MBP: variants seen among roughly 807,000 people sequenced by gnomAD.
The protein encoded by MBP is myelin basic protein.
A neutral mutation model predicts 35.8 loss-of-function variants in MBP; 16 were observed. The ratio of observed to expected loss-of-function variants is 0.45; its 90% confidence interval spans 0.30 to 0.68. The LOEUF (loss-of-function observed/expected upper bound fraction) is 0.68. Ranked by LOEUF, MBP falls within the 30% of genes least tolerant of loss-of-function variation. MBP has a pLI of 0.08. For synonymous variants in MBP, 143 were observed against 159.6 expected, an observed-to-expected ratio of 0.90 and a Z score of 0.78; for missense variants, 380 against 404.7, an observed-to-expected ratio of 0.94 and a Z score of 0.52.
chr18:77,000,708 GT>G (rs897871439), intron 4 of MBP, among the ~76,000 whole-genome samples: 1 of 151,956 alleles, frequency 6.6e-6, no homozygotes, highest in Non-Finnish European at 1.5e-5. Flanking sequence ...GGTTGTTGTT[GT>G]TTTTTTTGTT....
chr18:77,019,817 C>T (rs2123494547), intron 3 of MBP, among the ~76,000 whole-genome samples: 1 of 152,220 alleles, frequency 6.6e-6, no homozygotes, highest in East Asian at 1.9e-4. Context: ...AGGCAGCCCC[C>T]ACTGGAAGCC....
At chr18:77,115,538 T>C (rs1466297393) in intron 1 of MBP, 1 of 152,222 alleles carries the variant, frequency 6.6e-6, no homozygotes, top group Non-Finnish European at 1.5e-5. Flanking sequence ...CAGATTCTAA[T>C]CAAGGAGAAG....
At chr18:77,123,036 A>G (rs772043992) in intron 1 of MBP, among the ~76,000 whole-genome samples, 1 of 152,236 alleles carries the variant, frequency 6.6e-6, no homozygotes, top group East Asian at 1.9e-4. Context: ...AACTATAAGC[A>G]CTTCAAGGGC....
chr18:77,105,574 C>T (rs1280836103), intron 1 of MBP, among the ~76,000 whole-genome samples: 1 of 152,106 alleles, frequency 6.6e-6, no homozygotes, highest in Non-Finnish European at 1.5e-5. Context: ...TGTATATGTA[C>T]AGAAATATCT....
At chr18:77,089,303 C>A (rs530898047) in intron 2 of MBP, among the ~76,000 whole-genome samples, 1 of 152,350 alleles carries the variant, frequency 6.6e-6, no homozygotes, top group East Asian at 1.9e-4. Context: ...GTCAAGTGTG[C>A]GGCCATTTCC....
chr18:77,060,210 A>C (rs1973910690), intron 3 of MBP, among the ~76,000 whole-genome samples: 1 of 152,194 alleles, frequency 6.6e-6, no homozygotes, highest in African/African-American at 2.4e-5. Flanking sequence ...AGTATATGGC[A>C]CGGCACATTG....
intron 2 of MBP, among the ~76,000 whole-genome samples, chr18:77,067,042 A>G (rs780256776): frequency 3.3e-4 from 51 of 152,368 alleles, no homozygotes; most frequent in Admixed American, 9.8e-4. Flanking sequence ...TTTTCAGTAC[A>G]TAGTTTGATC....
At chr18:77,029,171 G>A (rs1385963067) in intron 3 of MBP, among the ~76,000 whole-genome samples, 1 of 123,828 alleles carries the variant, frequency 8.1e-6, no homozygotes, top group African/African-American at 2.6e-5. Flanking sequence ...CACCTCGGGA[G>A]GCCGAGGCTG....
At chr18:77,033,027 G>T (rs1357640641) in intron 3 of MBP, among the ~76,000 whole-genome samples, 1 of 152,110 alleles carries the variant, frequency 6.6e-6, no homozygotes, top group East Asian at 1.9e-4. Flanking sequence ...GAGTGCGGAG[G>T]CATGATCTCA....
chr18:77,092,386 A>T (rs961996205), intron 2 of MBP, among the ~76,000 whole-genome samples: 1 of 152,116 alleles, frequency 6.6e-6, no homozygotes, highest in African/African-American at 2.4e-5. Context: ...GAGCGTCGTC[A>T]TGGCCACACA....
At chr18:77,028,076 A>G (rs1286650895) in intron 3 of MBP, among the ~76,000 whole-genome samples, 1 of 147,866 alleles carries the variant, frequency 6.8e-6, no homozygotes, top group Non-Finnish European at 1.5e-5. Flanking sequence ...TAGTGGAGGG[A>G]AGGTCAGCAG....
chr18:76,997,768 C>T (rs1416356360), intron 4 of MBP, among the ~76,000 whole-genome samples: 13 of 151,026 alleles, frequency 8.6e-5, no homozygotes, highest in African/African-American at 1.2e-4. Context: ...CTGCAAGCTC[C>T]GCCTCCCGGG....
At chr18:77,081,640 A>G (rs1974902253) in intron 2 of MBP, among the ~76,000 whole-genome samples, 1 of 151,914 alleles carries the variant, frequency 6.6e-6, no homozygotes, top group Non-Finnish European at 1.5e-5. Context: ...TTCCTCAAAA[A>G]CTGAAACATA....
In MBP at chr18:76,980,265, T is replaced by C. The variant is rs560029031; in HGVS notation, c.*162A>G. Reference sequence around the variant, plus strand: ...TCTCATTTAACTGTTGGCCGGAAATTGCCGGTAGGCTGCCGTGGCCTGACC... The same window carrying C: ...TCTCATTTAACTGTTGGCCGGAAATCGCCGGTAGGCTGCCGTGGCCTGACC... On this transcript the variant is annotated 3_prime_UTR_variant, in exon 9 of 9. Coordinates refer to ENST00000355994, the MANE Select transcript of MBP (RefSeq NM_001025101.2). 2.0e-5 allele frequency: 15 copies of C among 743,604 alleles called. No individual in the cohort carries two copies. In the African/African-American group the frequency reaches 2.3e-4, roughly 11 times the overall value. 46.1% of individuals were successfully genotyped at this position (743,604 alleles called of 1,614,324 possible). A position where few individuals can be genotyped will look rare whatever the true frequency, so the allele number is the denominator to read the frequency against.
chr18:77,060,446 T>TC (rs1973928113), intron 3 of MBP, among the ~76,000 whole-genome samples: 2 of 110,958 alleles, frequency 1.8e-5, no homozygotes, highest in African/African-American at 4.2e-5. Context: ...TCTCTCTCTC[T>TC]CCTTTTTTTT....
At chr18:77,097,173 C>T (rs540687766) in intron 2 of MBP, 1 of 152,308 alleles carries the variant, frequency 6.6e-6, no homozygotes, top group African/African-American at 2.4e-5. Context: ...GGCAAGGACT[C>T]CCCTGATCCT....
intron 4 of MBP, chr18:77,016,108 A>C (rs1971609671): frequency 2.0e-6 from 2 of 985,274 alleles, no homozygotes; most frequent in Admixed American, 6.1e-5. Flanking sequence ...CTCCACTGAC[A>C]ATCAACTGCA....
intron 4 of MBP, chr18:77,009,872 G>T (rs1971240135): frequency 6.3e-7 from 1 of 1,593,428 alleles, no homozygotes; most frequent in East Asian, 2.3e-5. Flanking sequence ...CACAGCCCAG[G>T]CTGGCTGCGG....
At chr18:77,089,540 C>T (rs1975417050) in intron 2 of MBP, among the ~76,000 whole-genome samples, 1 of 152,194 alleles carries the variant, frequency 6.6e-6, no homozygotes, top group South Asian at 2.1e-4. Flanking sequence ...TCCCACAGAG[C>T]CTCCGCCTCA....
Sources: allele counts gnomAD v4.1 joint callset (sites outside exome capture counted in the v4.1 genomes callset), GRCh38; gene constraint gnomAD v4.1.1; transcripts MANE v1.5; gene names NCBI Gene and HGNC (gene_info 2026-07-23, HGNC 2026-07-21).